The following ODAD4 variants were observed in gnomAD, a reference collection of about 807,000 sequenced individuals.
The protein encoded by ODAD4 is outer dynein arm docking complex subunit 4, also known as outer dynein arm-docking complex subunit 4.
In ODAD4, 49 loss-of-function variants were observed where a neutral mutation model predicts 51.8. The ratio of observed to expected loss-of-function variants is 0.95; its 90% CI spans 0.75 to 1.20. The LOEUF (loss-of-function observed/expected upper bound fraction) is 1.20, where lower values mean the gene tolerates loss of function less well. Among genes scored for constraint, ODAD4 ranks in the 50% most tolerant of loss-of-function variants. The pLI is 0.00. For synonymous variants in ODAD4, 235 were observed against 221.3 expected (o/e 1.06, Z -0.55); for missense variants, 590 against 586.5 (o/e 1.01, Z -0.06).
At chr17:41,933,628 G>A (rs569698038) in intron 1 of ODAD4, among the ~76,000 whole-genome samples, 21 of 152,178 alleles carry the variant, frequency 1.4e-4, no homozygotes, top group African/African-American at 5.1e-4. Flanking sequence ...CTCCAGCTTT[G>A]GCAACAAGAG....
intron 10 of ODAD4, among the ~76,000 whole-genome samples, chr17:41,957,502 A>G (rs781929884): frequency 3.3e-5 from 5 of 152,192 alleles, no homozygotes; most frequent in Non-Finnish European, 4.4e-5. Context: ...GCCATGGACC[A>G]GTCAGTGGCC....
intron 5 of ODAD4, among the ~76,000 whole-genome samples, chr17:41,937,955 C>T (rs1555638080): frequency 6.6e-6 from 1 of 152,232 alleles, no homozygotes; most frequent in Non-Finnish European, 1.5e-5. Context: ...GTGTAGGGTT[C>T]CCTGTTCTGT....
chr17:41,954,076 C>G (rs1019798379), intron 9 of ODAD4, among the ~76,000 whole-genome samples: 6 of 151,208 alleles, frequency 4.0e-5, no homozygotes, highest in Non-Finnish European at 5.9e-5. Flanking sequence ...ACCTCTGCCT[C>G]TGAGGTTCAA....
rs997896366 is a variant in ODAD4, at chr17:41,931,020, A to T, written c.114+183A>T. Among the ~76,000 whole-genome samples, 28 of 146,328 alleles carry T rather than the reference A, an allele frequency of 1.9e-4. 2 individuals carry two copies. In the Admixed American group the frequency reaches 1.9e-3, roughly 10 times the overall value. ...GTGATTCTCCTGCCTCCACCTCCCA[A>T]GTAGCTGGGACTACAGGCGCGTGCC... On this transcript the variant is annotated intron_variant, in intron 1 of 11. Coordinates refer to ENST00000377540, the MANE Select transcript of ODAD4 (RefSeq NM_031421.5).
In ODAD4 at chr17:41,965,632, G is replaced by A; in HGVS notation, c.*149G>A. ...CCATCACTATTTTGCCATTAAATAG[G>A]TGTCTTTCACTCTTGCAAACCCTGA... On this transcript the variant is annotated 3_prime_UTR_variant, in exon 12 of 12. Coordinates refer to ENST00000377540, the MANE Select transcript of ODAD4 (RefSeq NM_031421.5). 1.7e-6 allele frequency: 1 copy of A among 598,398 alleles called. No individual in the cohort carries two copies. The highest frequency in any genetic ancestry group is 2.9e-6 in the Non-Finnish European group (1 of 339,140). The allele number at this position is 598,398 out of a possible 1,614,324, so 37.1% of individuals were successfully genotyped here.
intron 1 of ODAD4, among the ~76,000 whole-genome samples, chr17:41,932,579 C>G (rs1368274328): frequency 6.6e-6 from 1 of 151,804 alleles, no homozygotes; most frequent in Non-Finnish European, 1.5e-5. Context: ...GGATCTCGTT[C>G]TGTCTCCCAA....
chr17:41,936,914 C>G lies in ODAD4; in HGVS notation c.612C>G (p.Leu204=). The change falls in exon 5 of 12, where the codon CTC becomes CTG. Residue 204 remains leucine (L), a synonymous_variant. Coordinates refer to ENST00000377540, the MANE Select transcript of ODAD4 (RefSeq NM_031421.5). ...TGGACAAAGAGTATTTGGAGAAGCT[C>G]CTATTGGATGAAGGTTTCGGACACT... is the stretch of plus-strand genomic sequence containing the variant. The part of the protein sequence containing the change: ...LYVDKEYLEK[L]LLDEDLIKGT... 6 of 1,613,786 alleles carry G rather than the reference C, an allele frequency of 3.7e-6. No individual in the cohort carries two copies. The highest frequency in any genetic ancestry group is 5.1e-6 in the Non-Finnish European group (6 of 1,179,782).
intron 5 of ODAD4, 35 bp downstream of exon 5, chr17:41,936,962 G>A (rs2050438938): frequency 6.2e-7 from 1 of 1,607,516 alleles, no homozygotes; most frequent in Non-Finnish European, 8.5e-7. Flanking sequence ...GGCCTTGGGG[G>A]AAAGGAAATC....
At chr17:41,941,078 G>A (rs1483715016) in intron 7 of ODAD4, among the ~76,000 whole-genome samples, 1 of 152,158 alleles carries the variant, frequency 6.6e-6, no homozygotes, top group Non-Finnish European at 1.5e-5. Context: ...CACTGCGCTT[G>A]GCCCCCTCAC....
chr17:41,939,360 T>A (rs2050475211), intron 7 of ODAD4, among the ~76,000 whole-genome samples, 188 bp downstream of exon 7: 1 of 152,144 alleles, frequency 6.6e-6, no homozygotes, highest in Non-Finnish European at 1.5e-5. Flanking sequence ...ACTGTTAGCT[T>A]TTTTGCCACC....
intron 1 of ODAD4, among the ~76,000 whole-genome samples, chr17:41,934,723 G>A (rs1337690374): frequency 6.6e-6 from 1 of 152,178 alleles, no homozygotes; most frequent in Non-Finnish European, 1.5e-5. Context: ...AAAAGAGAAG[G>A]CTACTGGAAT....
intron 9 of ODAD4, among the ~76,000 whole-genome samples, chr17:41,953,214 C>T (rs2073602784): frequency 6.6e-6 from 1 of 152,106 alleles, no homozygotes; most frequent in Admixed American, 6.6e-5. Context: ...GCGTCCACCA[C>T]CATGCCTGGC....
rs574530223 is a variant in ODAD4, at chr17:41,958,896, C to T, written c.1444-2486C>T. Among the ~76,000 whole-genome samples the T allele has an allele frequency of 4.4e-4, 67 of 151,972 alleles. 1 individual carries two copies. The highest frequency in any genetic ancestry group is 1.5e-3 in the African/African-American group (62 of 41,470). On this transcript the variant is annotated intron_variant, in intron 10 of 11. Coordinates refer to ENST00000377540, the MANE Select transcript of ODAD4 (RefSeq NM_031421.5). ...AGGTGTGATGGCACACTCCTGTAGT[C>T]CCAGCTACTCGGGAGGCTGAAGCAG...
rs974964513 is a variant in ODAD4, at chr17:41,955,077, C to T, written c.1343-140C>T. On this transcript the variant is annotated intron_variant, in intron 9 of 11. Coordinates refer to ENST00000377540, the MANE Select transcript of ODAD4 (RefSeq NM_031421.5). ...GATGGTGCTGAGCAGCTCAGTGATG[C>T]TTCCCTGGGGCCTGGGTCCGACTAC... The T allele has an allele frequency of 5.6e-6, 4 of 716,938 alleles. No homozygotes were observed. In the African/African-American group the frequency reaches 6.9e-5, roughly 12 times the overall value. The allele number at this position is 716,938 out of a possible 1,614,324, so 44.4% of individuals were successfully genotyped here. A position where few individuals can be genotyped will look rare whatever the true frequency, so the allele number is the denominator to read the frequency against.
At chr17:41,934,038 C>T (rs368080580) in intron 1 of ODAD4, among the ~76,000 whole-genome samples, 200 of 65,484 alleles carry the variant, frequency 3.1e-3, no homozygotes, top group Admixed American at 5.1e-3. Flanking sequence ...TTCTTTCTTT[C>T]TTTTTTTTTT....
chr17:41,952,925 CG>C (rs1384891963), intron 9 of ODAD4, among the ~76,000 whole-genome samples: 4 of 150,224 alleles, frequency 2.7e-5, no homozygotes, highest in African/African-American at 9.8e-5. Context: ...TGGTAGAGAA[CG>C]GGGTCTCCCT....
chr17:41,964,593 C>T lies in ODAD4; in HGVS notation c.1529-400C>T, dbSNP rs115916336. 2.5e-3 allele frequency among the ~76,000 whole-genome samples: 386 copies of T among 152,302 alleles called. 2 individuals are homozygous for T. The highest frequency in any genetic ancestry group is 8.9e-3 in the African/African-American group (368 of 41,562). ...GTCATTCTCAGGGCCTTTCTCTCAT[C>T]GGCCTCTCAAAAGCACAGGCCTCCA... On this transcript the variant is annotated intron_variant, in intron 11 of 11. Transcript: ENST00000377540.
chr17:41,949,524 A>T (rs901666121), intron 9 of ODAD4, among the ~76,000 whole-genome samples, 175 bp downstream of exon 9: 105 of 152,320 alleles, frequency 6.9e-4, no homozygotes, highest in Non-Finnish European at 1.1e-3. Context: ...GCTTTCATTA[A>T]GCAAAGCTTG....
chr17:41,961,539 C>T (rs1389661520), intron 11 of ODAD4, 73 bp downstream of exon 11: 13 of 704,430 alleles, frequency 1.8e-5, no homozygotes, highest in South Asian at 9.1e-5. Flanking sequence ...GTCCGAGACA[C>T]ATGCGACAGC....
Sources: allele counts gnomAD v4.1 joint callset (sites outside exome capture counted in the v4.1 genomes callset), GRCh38; gene constraint gnomAD v4.1.1; transcripts MANE v1.5; gene names NCBI Gene and HGNC (gene_info 2026-07-23, HGNC 2026-07-21).